ANKMY2: variants seen among roughly 807,000 people sequenced by gnomAD.
The protein encoded by ANKMY2 is ankyrin repeat and MYND domain containing 2.
Under a neutral mutation model 50.4 loss-of-function variants are expected in ANKMY2, and 36 were observed. That is an observed-to-expected ratio of 0.71 (90% confidence interval 0.55 to 0.94). ANKMY2 has a LOEUF of 0.94. Ranked by LOEUF, ANKMY2 falls within the 40% of genes least tolerant of loss-of-function variation. ANKMY2 has a pLI of 0.00. For missense variants in ANKMY2, 565 were observed against 524.0 expected (o/e 1.08, Z -0.76); for synonymous variants, 187 against 178.8 (o/e 1.05, Z -0.36).
At position 16,636,539 on chromosome 7, in the gene ANKMY2, G is replaced by T. The variant is rs76641055; in HGVS notation, c.68-84C>A. 4 of 1,055,142 alleles carry T rather than the reference G, an allele frequency of 3.8e-6. No individual in the cohort carries two copies. The East Asian group carries it at 1.1e-4, about 28-fold the overall frequency. The allele number at this position is 1,055,142 out of a possible 1,614,324, so 65.4% of individuals were successfully genotyped here. On this transcript the variant is annotated intron_variant, in intron 1 of 9. Transcript: ENST00000306999. ...CTAACATCAAGGAAATAAACCTTAA[G>T]GAGTTATCTGTAAGAGTACATCTAG...
Position 16,602,887 on chromosome 7 carries a change from C to T in ANKMY2, c.1012-378G>A, listed in dbSNP as rs1160897256. Among the ~76,000 whole-genome samples, 5 of 152,198 alleles carry T rather than the reference C, an allele frequency of 3.3e-5. No individual in the cohort carries two copies. The East Asian group carries it at 9.6e-4, about 29-fold the overall frequency. Reference sequence around the variant, plus strand: ...CTCCTGCCATGTGACATGCCTGCTCCCCCTTCACCTTCCACCATAATTGAA... The same window carrying T: ...CTCCTGCCATGTGACATGCCTGCTCTCCCTTCACCTTCCACCATAATTGAA... On this transcript the variant is annotated intron_variant, in intron 8 of 9. Coordinates refer to ENST00000306999, the MANE Select transcript of ANKMY2 (RefSeq NM_020319.3).
intron 7 of ANKMY2, among the ~76,000 whole-genome samples, chr7:16,607,312 T>A (rs1408196928): frequency 6.6e-6 from 1 of 152,188 alleles, no homozygotes; most frequent in Non-Finnish European, 1.5e-5. Flanking sequence ...ACGCCTGTAA[T>A]CTCAGCACTT....
At chr7:16,608,980 G>A (rs980972865) in intron 7 of ANKMY2, among the ~76,000 whole-genome samples, 7 of 152,104 alleles carry the variant, frequency 4.6e-5, no homozygotes, top group African/African-American at 9.7e-5. Flanking sequence ...CAGCCTAGGC[G>A]ACAGAAACAG....
chr7:16,644,714 TC>T (rs1304806941), intron 1 of ANKMY2: 1 of 471,030 alleles, frequency 2.1e-6, no homozygotes, highest in Non-Finnish European at 4.4e-6. Flanking sequence ...GGCAGGGAAC[TC>T]CTCTGGGACG....
At chr7:16,635,080 T>C (rs1255533461) in intron 2 of ANKMY2, among the ~76,000 whole-genome samples, 1 of 152,186 alleles carries the variant, frequency 6.6e-6, no homozygotes, top group African/African-American at 2.4e-5. Flanking sequence ...AGAAGCTTTA[T>C]GGTAATCATC....
At chr7:16,611,143 T>C (rs761208801) in intron 5 of ANKMY2, among the ~76,000 whole-genome samples, 2 of 152,248 alleles carry the variant, frequency 1.3e-5, no homozygotes, top group Admixed American at 6.5e-5. Context: ...TAACCACTTT[T>C]AGTTAACATT....
intron 2 of ANKMY2, among the ~76,000 whole-genome samples, chr7:16,634,021 A>G (rs1353711100): frequency 6.6e-6 from 1 of 152,186 alleles, no homozygotes; most frequent in Non-Finnish European, 1.5e-5. Context: ...TTTGTCTGAT[A>G]TTAATTTTGC....
At chr7:16,603,586 T>C (rs1003533150) in intron 8 of ANKMY2, 2 of 471,090 alleles carry the variant, frequency 4.2e-6, no homozygotes, top group Admixed American at 4.7e-5. Context: ...TATACATATA[T>C]TGTATTATTG....
chr7:16,638,716 C>T (rs571661345), intron 1 of ANKMY2, among the ~76,000 whole-genome samples: 127 of 152,232 alleles, frequency 8.3e-4, no homozygotes, highest in African/African-American at 2.9e-3. Flanking sequence ...TTTCTCATGA[C>T]CAGCCCCCAT....
At chr7:16,623,202 G>T (rs989269119) in intron 4 of ANKMY2, among the ~76,000 whole-genome samples, 1 of 152,162 alleles carries the variant, frequency 6.6e-6, no homozygotes, top group African/African-American at 2.4e-5. Flanking sequence ...AAACAAAAAG[G>T]GGAGAATGAG....
chr7:16,626,350 T>C (rs4721520), intron 3 of ANKMY2, among the ~76,000 whole-genome samples: 26,507 of 152,146 alleles, frequency 0.17, 2,608 homozygotes, highest in Middle Eastern at 0.26. Context: ...TTTTCATTTG[T>C]ATTTTAACTC....
Position 16,645,664 on chromosome 7 carries a change from G to A in ANKMY2, c.-91C>T, listed in dbSNP as rs535133713. On this transcript the variant is annotated 5_prime_UTR_variant, in exon 1 of 10. Coordinates refer to ENST00000306999, the MANE Select transcript of ANKMY2 (RefSeq NM_020319.3). Reference sequence around the variant, plus strand: ...TATTGGGAACGCCAGCCGCAATGAGGCAACTTGAGACCAAGACACTGAGTA... The same window carrying A: ...TATTGGGAACGCCAGCCGCAATGAGACAACTTGAGACCAAGACACTGAGTA... 14 of 1,407,786 alleles carry A rather than the reference G, an allele frequency of 9.9e-6. No individual in the cohort carries two copies. The South Asian group carries it at 1.4e-4, about 14-fold the overall frequency. The allele number at this position is 1,407,786 out of a possible 1,614,324, so 87.2% of individuals were successfully genotyped here.
intron 1 of ANKMY2, chr7:16,644,713 C>T (rs1311562933): frequency 2.1e-6 from 1 of 471,178 alleles, no homozygotes; most frequent in Non-Finnish European, 4.4e-6. Context: ...CGGCAGGGAA[C>T]TCCTCTGGGA....
Position 16,645,683 on chromosome 7 carries a change from C to G in ANKMY2, c.-110G>C, listed in dbSNP as rs1781830949. On this transcript the variant is annotated 5_prime_UTR_variant, in exon 1 of 10. Transcript: ENST00000306999. ...AATGAGGCAACTTGAGACCAAGACA[C>G]TGAGTAGCCAACCGCGGAAACGCTT... 12 of 1,203,414 alleles carry G rather than the reference C, an allele frequency of 1.0e-5. No homozygotes were observed. The highest frequency in any genetic ancestry group is 2.6e-5 in the Admixed American group (1 of 38,834). The allele number at this position is 1,203,414 out of a possible 1,614,324, so 74.5% of individuals were successfully genotyped here.
intron 1 of ANKMY2, chr7:16,644,619 G>A (rs567293396): frequency 6.6e-5 from 30 of 453,240 alleles, no homozygotes; most frequent in Non-Finnish European, 1.0e-4. Context: ...ATTGCCCGGA[G>A]TCGCACGCAT....
chr7:16,610,214 G>A (rs1237273514), intron 6 of ANKMY2, among the ~76,000 whole-genome samples: 1 of 152,110 alleles, frequency 6.6e-6, no homozygotes, highest in Non-Finnish European at 1.5e-5. Flanking sequence ...TACAAACCTA[G>A]GGCTGCGACC....
chr7:16,601,318 T>C (rs1214162824), intron 9 of ANKMY2, among the ~76,000 whole-genome samples: 1 of 152,246 alleles, frequency 6.6e-6, no homozygotes, highest in Non-Finnish European at 1.5e-5. Context: ...TTGTCTATAA[T>C]ATGCAGGTAA....
intron 4 of ANKMY2, among the ~76,000 whole-genome samples, chr7:16,619,766 T>C (rs1360827349): frequency 6.6e-6 from 1 of 152,188 alleles, no homozygotes; most frequent in African/African-American, 2.4e-5. Flanking sequence ...TTTGCTCCCA[T>C]ATTACAATCA....
At chr7:16,611,428 C>T (rs1359295104) in intron 5 of ANKMY2, among the ~76,000 whole-genome samples, 2 of 152,158 alleles carry the variant, frequency 1.3e-5, no homozygotes, top group Non-Finnish European at 2.9e-5. Flanking sequence ...CCTATGTATG[C>T]ACAGATTATG....
Sources: allele counts gnomAD v4.1 joint callset (sites outside exome capture counted in the v4.1 genomes callset), GRCh38; gene constraint gnomAD v4.1.1; transcripts MANE v1.5; gene names NCBI Gene and HGNC (gene_info 2026-07-23, HGNC 2026-07-21).